ZNF322: variants seen among roughly 807,000 people sequenced by gnomAD.
ZNF322 encodes zinc finger protein 322.
A neutral mutation model predicts 18.3 loss-of-function variants in ZNF322; 1 was observed. The ratio of observed to expected loss-of-function variants is 0.05; its 90% CI spans 0.02 to 0.26. The LOEUF (loss-of-function observed/expected upper bound fraction) is 0.26. ZNF322 is among the 10% of genes least tolerant of loss of function. The probability of loss-of-function intolerance (pLI) is 1.00; values close to 1 mark genes in which losing one functional copy is unlikely to be tolerated. For missense variants in ZNF322, 36 were observed against 403.6 expected (o/e 0.09, Z 7.80); for synonymous variants, 17 against 130.7 (o/e 0.13, Z 5.93).
intron 3 of ZNF322, among the ~76,000 whole-genome samples, chr6:26,638,935 C>G (rs1354322211): frequency 6.6e-6 from 1 of 152,190 alleles, no homozygotes; most frequent in Non-Finnish European, 1.5e-5. Context: ...AGTAAGAACT[C>G]TTTTCTCTAT....
chr6:26,649,637 ATGTGTGTGTGTGTGTGTGTGTGTG>A (rs58521273), intron 2 of ZNF322, among the ~76,000 whole-genome samples: 1 of 67,606 alleles, frequency 1.5e-5, no homozygotes, highest in African/African-American at 5.3e-5. Context: ...ATACATACAT[ATGTGTGTGTGTGTGTGTGTGTGTG>A]TGTGTGTGTG....
intron 2 of ZNF322, among the ~76,000 whole-genome samples, chr6:26,651,100 T>C (rs183127125): frequency 2.0e-4 from 30 of 151,866 alleles, no homozygotes; most frequent in African/African-American, 6.5e-4. Flanking sequence ...AACAGACAAA[T>C]AGATAAATGG....
At position 26,655,852 on chromosome 6, in the gene ZNF322, G is replaced by C. The variant is rs1419320261; in HGVS notation, c.-246+2706C>G. On this transcript the variant is annotated intron_variant, in intron 2 of 3. Transcript: ENST00000415922. The stretch of plus-strand genomic sequence containing the variant: ...TTGCCATGAAATGACACAGCAAGAA[G>C]GCTCTCACTAGATGCCAGCCCCCGT... 2.6e-5 allele frequency among the ~76,000 whole-genome samples: 4 copies of C among 152,058 alleles called. No homozygotes were observed. In the South Asian group the frequency reaches 8.3e-4, roughly 31 times the overall value.
chr6:26,649,637 ATGTGTGTGTGTGTG>A (rs58521273), intron 2 of ZNF322, among the ~76,000 whole-genome samples: 24 of 67,620 alleles, frequency 3.5e-4, no homozygotes, highest in South Asian at 1.3e-3. Context: ...ATACATACAT[ATGTGTGTGTGTGTG>A]TGTGTGTGTG....
At chr6:26,640,012 G>A (rs182807027) in intron 3 of ZNF322, among the ~76,000 whole-genome samples, 2 of 152,040 alleles carry the variant, frequency 1.3e-5, no homozygotes, top group East Asian at 3.9e-4. Context: ...CATCACTCTA[G>A]CAATTCCACC....
chr6:26,647,675 T>C (rs57768474), intron 2 of ZNF322, among the ~76,000 whole-genome samples: 12,870 of 152,070 alleles, frequency 0.085, 1,495 homozygotes, highest in African/African-American at 0.26. Flanking sequence ...AAGGAACCAT[T>C]CCATAAAAAG....
intron 2 of ZNF322, among the ~76,000 whole-genome samples, chr6:26,651,153 G>A (rs1765661373): frequency 6.6e-6 from 1 of 151,608 alleles, no homozygotes; most frequent in Admixed American, 6.6e-5. Flanking sequence ...AATAGAGTCA[G>A]CTGATCCATG....
intron 2 of ZNF322, among the ~76,000 whole-genome samples, chr6:26,657,132 C>A (rs1765793249): frequency 6.6e-6 from 1 of 152,068 alleles, no homozygotes; most frequent in African/African-American, 2.4e-5. Context: ...CGCCTGTAGT[C>A]CCAGCTACTT....
intron 2 of ZNF322, among the ~76,000 whole-genome samples, chr6:26,654,105 A>G (rs9368451): frequency 0.19 from 29,583 of 152,042 alleles, 2,993 homozygotes; most frequent in African/African-American, 0.24. Context: ...AAATAAGTAA[A>G]TATACTATGG....
intron 2 of ZNF322, among the ~76,000 whole-genome samples, chr6:26,649,675 G>GTGTGTA (rs1465971500): frequency 5.0e-3 from 115 of 22,928 alleles, no homozygotes; most frequent in African/African-American, 0.01. Context: ...GTGTGTGTGT[G>GTGTGTA]TATATATATA....
chr6:26,649,044 A>G (rs1765605555), intron 2 of ZNF322, among the ~76,000 whole-genome samples: 2 of 152,258 alleles, frequency 1.3e-5, no homozygotes, highest in African/African-American at 4.8e-5. Context: ...AGTAGTCACA[A>G]TAGAGACCAG....
At chr6:26,659,021 T>C (rs1765832318) in intron 1 of ZNF322, among the ~76,000 whole-genome samples, 1 of 152,184 alleles carries the variant, frequency 6.6e-6, no homozygotes. Flanking sequence ...CCAAAGTGCA[T>C]GTGATAAGTG....
At position 26,648,265 on chromosome 6, in the gene ZNF322, T is replaced by C. The variant is rs537764781; in HGVS notation, c.-245-4537A>G. ...AAAGAACCTGCAACAGAAATCAACA[T>C]CTATTCTGGATAAAAACACTCAAGA... On this transcript the variant is annotated intron_variant, in intron 2 of 3. Transcript: ENST00000415922. Among the ~76,000 whole-genome samples the C allele has an allele frequency of 1.7e-3, 260 of 152,282 alleles. 4 individuals carry two copies. Among genetic ancestry groups the C allele is most frequent in the Middle Eastern group, 6.8e-3 (2 of 294 alleles).
At chr6:26,640,026 C>G (rs1187771631) in intron 3 of ZNF322, among the ~76,000 whole-genome samples, 1 of 152,064 alleles carries the variant, frequency 6.6e-6, no homozygotes, top group Non-Finnish European at 1.5e-5. Context: ...TTCCACCCTC[C>G]CTCTCCTGCA....
At chr6:26,651,852 G>T (rs1326190563) in intron 2 of ZNF322, among the ~76,000 whole-genome samples, 2 of 152,046 alleles carry the variant, frequency 1.3e-5, no homozygotes, top group Non-Finnish European at 2.9e-5. Context: ...TATATTTTTG[G>T]GATGGGTCTC....
chr6:26,648,856 C>T (rs1554148916), intron 2 of ZNF322, among the ~76,000 whole-genome samples: 1 of 152,234 alleles, frequency 6.6e-6, no homozygotes, highest in Non-Finnish European at 1.5e-5. Flanking sequence ...ATGTTCCCTC[C>T]TAAGATTTAT....
At chr6:26,648,615 C>G (rs781836917) in intron 2 of ZNF322, among the ~76,000 whole-genome samples, 2 of 152,172 alleles carry the variant, frequency 1.3e-5, no homozygotes, top group Non-Finnish European at 2.9e-5. Context: ...ATTTGCCACA[C>G]AGAAACCACC....
At chr6:26,642,778 TG>T (rs1430299993) in intron 3 of ZNF322, among the ~76,000 whole-genome samples, 2 of 152,328 alleles carry the variant, frequency 1.3e-5, no homozygotes, top group Admixed American at 6.5e-5. Flanking sequence ...GGACTTATAC[TG>T]GGGCTGGATT....
At chr6:26,640,066 T>C (rs2113657614) in intron 3 of ZNF322, among the ~76,000 whole-genome samples, 1 of 152,280 alleles carries the variant, frequency 6.6e-6, no homozygotes, top group South Asian at 2.1e-4. Context: ...TATTGGACCA[T>C]TCCAATATTA....
Sources: allele counts gnomAD v4.1 joint callset (sites outside exome capture counted in the v4.1 genomes callset), GRCh38; gene constraint gnomAD v4.1.1; transcripts MANE v1.5; gene names NCBI Gene and HGNC (gene_info 2026-07-23, HGNC 2026-07-21).